Variants in GRID2 observed in about 807,000 individuals in gnomAD.
The protein encoded by GRID2 is glutamate receptor ionotropic, delta-2.
In GRID2, 33 loss-of-function variants were observed where a neutral mutation model predicts 114.8. That is an observed-to-expected ratio of 0.29 (90% CI 0.22 to 0.38). The LOEUF (loss-of-function observed/expected upper bound fraction) is 0.38, where lower values mean the gene tolerates loss of function less well. Ranked by LOEUF, GRID2 falls within the 10% of genes least tolerant of loss-of-function variation. The pLI is 1.00. For synonymous variants in GRID2, 505 were observed against 449.9 expected (o/e 1.12, Z -1.55); for missense variants, 1,184 against 1,257.7 (o/e 0.94, Z 0.89).
chr4:92,599,112 A>C (rs1382670189), intron 2 of GRID2, among the ~76,000 whole-genome samples: 1 of 148,882 alleles, frequency 6.7e-6, no homozygotes. Context: ...GAAGATGAGA[A>C]TTATACATGT....
chr4:93,193,177 A>C (rs1275718369), intron 4 of GRID2, among the ~76,000 whole-genome samples: 1 of 152,164 alleles, frequency 6.6e-6, no homozygotes, highest in Non-Finnish European at 1.5e-5. Context: ...CAGCCTGCTT[A>C]ATGACTGTTT....
chr4:93,053,909 G>A (rs1179286342), intron 2 of GRID2, among the ~76,000 whole-genome samples: 1 of 151,900 alleles, frequency 6.6e-6, no homozygotes, highest in African/African-American at 2.4e-5. Context: ...CTCTGCCCAT[G>A]TGGATTTCTT....
chr4:92,524,875 T>C (rs1724970591), intron 1 of GRID2, among the ~76,000 whole-genome samples: 1 of 152,002 alleles, frequency 6.6e-6, no homozygotes, highest in South Asian at 2.1e-4. Flanking sequence ...TGAATTTAGA[T>C]ACAGTGAATG....
At chr4:92,673,271 T>C (rs1050406260) in intron 2 of GRID2, among the ~76,000 whole-genome samples, 2 of 152,220 alleles carry the variant, frequency 1.3e-5, no homozygotes, top group Admixed American at 1.3e-4. Flanking sequence ...TACCACATCA[T>C]CTATGCTATA....
At chr4:92,384,589 T>TAACATA (rs1560599134) in intron 1 of GRID2, among the ~76,000 whole-genome samples, 13 of 33,108 alleles carry the variant, frequency 3.9e-4, no homozygotes, top group African/African-American at 9.6e-4. Context: ...TATATTATAT[T>TAACATA]ATATATAACA....
chr4:92,774,575 T>TC (rs1738696377), intron 2 of GRID2, among the ~76,000 whole-genome samples: 1 of 148,638 alleles, frequency 6.7e-6, no homozygotes, highest in Admixed American at 6.8e-5. Flanking sequence ...AATTTTTCTT[T>TC]CCTTTTTTTT....
intron 8 of GRID2, among the ~76,000 whole-genome samples, chr4:93,392,759 A>G (rs1764973669): frequency 6.6e-6 from 1 of 152,088 alleles, no homozygotes; most frequent in African/African-American, 2.4e-5. Context: ...TTCCTACCTT[A>G]AATAGATCAC....
At chr4:93,204,379 A>G (rs1444341485) in intron 4 of GRID2, among the ~76,000 whole-genome samples, 1 of 152,194 alleles carries the variant, frequency 6.6e-6, no homozygotes, top group Non-Finnish European at 1.5e-5. Flanking sequence ...TATGGTGAAG[A>G]GCACTCAATT....
chr4:92,940,474 C>T (rs973079327), intron 2 of GRID2, among the ~76,000 whole-genome samples: 7 of 151,802 alleles, frequency 4.6e-5, no homozygotes, highest in Non-Finnish European at 7.4e-5. Flanking sequence ...TGGGCTGAGA[C>T]GATGGGGTTT....
chr4:92,645,587 A>G (rs1441994755), intron 2 of GRID2, among the ~76,000 whole-genome samples: 7 of 151,726 alleles, frequency 4.6e-5, no homozygotes, highest in Non-Finnish European at 1.0e-4. Flanking sequence ...AGTAATATCC[A>G]GATCAGGATA....
intron 2 of GRID2, among the ~76,000 whole-genome samples, chr4:92,920,950 C>T (rs935138318): frequency 1.3e-5 from 2 of 152,184 alleles, no homozygotes; most frequent in Non-Finnish European, 1.5e-5. Context: ...TGTTTTCCAA[C>T]TTGGTTCCAT....
At chr4:93,410,664 A>C (rs1019015764) in intron 9 of GRID2, among the ~76,000 whole-genome samples, 1 of 152,138 alleles carries the variant, frequency 6.6e-6, no homozygotes, top group African/African-American at 2.4e-5. Context: ...GCTCACTGCA[A>C]CCTCCATCTC....
chr4:93,388,277 G>A (rs1764520001), intron 8 of GRID2, among the ~76,000 whole-genome samples: 1 of 152,120 alleles, frequency 6.6e-6, no homozygotes, highest in Admixed American at 6.6e-5. Context: ...AAGGAAAACT[G>A]TATATTCAAA....
intron 1 of GRID2, among the ~76,000 whole-genome samples, chr4:92,541,299 TAAATA>T (rs1456184203): frequency 2.3e-4 from 34 of 149,358 alleles, no homozygotes; most frequent in African/African-American, 6.2e-4. Flanking sequence ...TAATAAAAAA[TAAATA>T]AAATAAGAGT....
chr4:92,896,805 C>G (rs767172291), intron 2 of GRID2, among the ~76,000 whole-genome samples: 1 of 152,064 alleles, frequency 6.6e-6, no homozygotes, highest in Admixed American at 6.6e-5. Context: ...TGCAGTGGCG[C>G]GATCTTTGCT....
At chr4:92,509,500 A>G (rs1469812728) in intron 1 of GRID2, among the ~76,000 whole-genome samples, 1 of 151,994 alleles carries the variant, frequency 6.6e-6, no homozygotes, top group Non-Finnish European at 1.5e-5. Flanking sequence ...TAATGAATAA[A>G]ACAGACATAA....
chr4:92,533,200 TG>T (rs1332657173), intron 1 of GRID2, among the ~76,000 whole-genome samples: 11 of 132,574 alleles, frequency 8.3e-5, no homozygotes, highest in East Asian at 2.2e-4. Context: ...TTGTTTTTTT[TG>T]TTTTTTTTTT....
chr4:93,096,906 C>A (rs999504793), intron 3 of GRID2, among the ~76,000 whole-genome samples: 12 of 151,998 alleles, frequency 7.9e-5, no homozygotes, highest in African/African-American at 2.7e-4. Flanking sequence ...GGAAGCAACT[C>A]TAATGCCCAT....
intron 2 of GRID2, among the ~76,000 whole-genome samples, chr4:92,786,469 GC>G (rs971721399): frequency 6.6e-6 from 1 of 151,042 alleles, no homozygotes; most frequent in Non-Finnish European, 1.5e-5. Flanking sequence ...ATTCTTTTTA[GC>G]CCCTAGATAT....
Sources: allele counts gnomAD v4.1 joint callset (sites outside exome capture counted in the v4.1 genomes callset), GRCh38; gene constraint gnomAD v4.1.1; transcripts MANE v1.5; gene names NCBI Gene and HGNC (gene_info 2026-07-23, HGNC 2026-07-21).